The following TAFA2 variants were observed in gnomAD, a reference collection of about 807,000 sequenced individuals.
TAFA2 encodes the protein chemokine-like protein TAFA-2.
A neutral mutation model predicts 18.8 loss-of-function variants in TAFA2; 7 were observed. The observed-to-expected ratio is 0.37, with a 90% CI of 0.21 to 0.70. TAFA2 has a LOEUF of 0.70. TAFA2 is among the 30% of genes least tolerant of loss of function. The pLI, the probability that TAFA2 is intolerant of heterozygous loss-of-function variation, is 0.53. For synonymous variants in TAFA2, 60 were observed against 54.2 expected, an observed-to-expected ratio of 1.11 and a Z score of -0.47; for missense variants, 122 against 158.1, an observed-to-expected ratio of 0.77 and a Z score of 1.23.
intron 1 of TAFA2, among the ~76,000 whole-genome samples, chr12:62,091,822 G>C (rs191898876): frequency 6.6e-6 from 1 of 152,040 alleles, no homozygotes; most frequent in East Asian, 1.9e-4. Context: ...CTCTAGGAAA[G>C]ATATTTTGAA....
intron 1 of TAFA2, among the ~76,000 whole-genome samples, chr12:62,169,019 T>C (rs912453055): frequency 1.3e-5 from 2 of 151,868 alleles, no homozygotes; most frequent in Admixed American, 6.6e-5. Flanking sequence ...TTGGGGAAAT[T>C]TCAACACTGA....
At chr12:62,122,125 G>T (rs1206780280) in intron 1 of TAFA2, among the ~76,000 whole-genome samples, 1 of 152,166 alleles carries the variant, frequency 6.6e-6, no homozygotes, top group Admixed American at 6.5e-5. Flanking sequence ...TCGGTACTAG[G>T]TTTAATACCT....
At chr12:61,901,995 G>A (rs1876122207) in intron 1 of TAFA2, among the ~76,000 whole-genome samples, 1 of 150,054 alleles carries the variant, frequency 6.7e-6, no homozygotes, top group African/African-American at 2.5e-5. Context: ...ATAGGACTTA[G>A]CTAGCTATAC....
chr12:62,165,106 A>C (rs1354010666), intron 1 of TAFA2, among the ~76,000 whole-genome samples: 1 of 152,046 alleles, frequency 6.6e-6, no homozygotes, highest in Admixed American at 6.6e-5. Flanking sequence ...AAACATACAG[A>C]GGGCGAGACT....
At chr12:61,919,979 C>T (rs1876983799) in intron 1 of TAFA2, among the ~76,000 whole-genome samples, 2 of 152,094 alleles carry the variant, frequency 1.3e-5, no homozygotes, top group South Asian at 2.1e-4. Flanking sequence ...TAAAATTTCT[C>T]AGTCTCATTA....
intron 1 of TAFA2, among the ~76,000 whole-genome samples, chr12:62,124,204 G>A (rs1307989732): frequency 2.6e-5 from 4 of 151,722 alleles, no homozygotes; most frequent in Non-Finnish European, 4.4e-5. Flanking sequence ...AGCTTCAAGA[G>A]ATAAGCTCTG....
rs1879220228 is a variant in TAFA2 at position 61,970,763 on chromosome 12, C to T, written c.-1-103337G>A. 2.1e-5 allele frequency among the ~76,000 whole-genome samples: 3 copies of T among 144,184 alleles called. No homozygotes were observed. The Admixed American group carries it at 2.1e-4, about 10-fold the overall frequency. 94.6% of individuals were successfully genotyped at this position (144,184 alleles called of 152,430 possible). On this transcript the variant is annotated intron_variant, in intron 1 of 4. Coordinates refer to ENST00000416284, the MANE Select transcript of TAFA2 (RefSeq NM_178539.5). ...AGAGTCACCAGTTTAAAAGCTAGTG[C>T]AAGAATCATCAATGGACACCTAGAC...
At chr12:61,812,216 C>T (rs1871900406) in intron 2 of TAFA2, among the ~76,000 whole-genome samples, 1 of 151,440 alleles carries the variant, frequency 6.6e-6, no homozygotes, top group African/African-American at 2.5e-5. Flanking sequence ...CTTAAACTCC[C>T]TCTGAAGGAA....
chr12:61,931,992 C>A (rs140835670), intron 1 of TAFA2, among the ~76,000 whole-genome samples: 6 of 152,228 alleles, frequency 3.9e-5, no homozygotes, highest in South Asian at 2.1e-4. Context: ...TCCCCCTTTG[C>A]CTCATACCTT....
At chr12:61,867,568 T>A in intron 1 of TAFA2, 142 bp from the exon 2 acceptor site, 1 of 592,090 alleles carries the variant, frequency 1.7e-6, no homozygotes, top group Non-Finnish European at 3.0e-6. Flanking sequence ...AAAATGCTGT[T>A]CACTGTATAC....
At chr12:62,168,638 C>T (rs2062455858) in intron 1 of TAFA2, among the ~76,000 whole-genome samples, 1 of 152,018 alleles carries the variant, frequency 6.6e-6, no homozygotes, top group Admixed American at 6.6e-5. Flanking sequence ...CGTTTGAGAC[C>T]AGTCTGGGCA....
At chr12:61,820,021 C>T (rs1325180603) in intron 2 of TAFA2, among the ~76,000 whole-genome samples, 1 of 152,000 alleles carries the variant, frequency 6.6e-6, no homozygotes, top group African/African-American at 2.4e-5. Flanking sequence ...TGAAAGGAGC[C>T]ACTCTACCTT....
At chr12:62,244,192 T>C (rs1222094899) in intron 1 of TAFA2, among the ~76,000 whole-genome samples, 1 of 150,618 alleles carries the variant, frequency 6.6e-6, no homozygotes, top group Non-Finnish European at 1.5e-5. Flanking sequence ...ATCCATAGTC[T>C]ATCATCTGAA....
intron 4 of TAFA2, among the ~76,000 whole-genome samples, chr12:61,733,969 T>G (rs1333172470): frequency 6.7e-6 from 1 of 148,732 alleles, no homozygotes; most frequent in Non-Finnish European, 1.5e-5. Context: ...TTTGTAGTTC[T>G]CCTTGAAGAG....
At chr12:62,259,396 T>G (rs534975863), upstream of TAFA2, 1 of 152,456 alleles carries the variant, frequency 6.6e-6, no homozygotes, top group Admixed American at 6.5e-5. Flanking sequence ...AGTTTACATT[T>G]TAGTTCAGGC....
chr12:62,160,007 T>C lies in TAFA2; in HGVS notation c.-2+31252A>G, dbSNP rs201129369. On this transcript the variant is annotated intron_variant, in intron 1 of 4. Transcript: ENST00000416284. ...TGTATTTTAGCTTCTCCTCTCACTC[T>C]TTACCCATACTCAAGTCATTCAGCT... is the stretch of plus-strand genomic sequence containing the variant. 6.7e-5 allele frequency among the ~76,000 whole-genome samples: 10 copies of C among 148,788 alleles called. No homozygotes were observed. The East Asian group carries it at 2.2e-3, about 33-fold the overall frequency.
chr12:62,141,960 T>C (rs1194371368), intron 1 of TAFA2, among the ~76,000 whole-genome samples: 1 of 152,210 alleles, frequency 6.6e-6, no homozygotes, highest in Non-Finnish European at 1.5e-5. Context: ...TAGGTTATCA[T>C]TGTTTCTGTA....
intron 2 of TAFA2, among the ~76,000 whole-genome samples, chr12:61,799,933 G>A (rs1871340313): frequency 6.6e-6 from 1 of 152,190 alleles, no homozygotes; most frequent in Admixed American, 6.5e-5. Context: ...CTGGTGTTCT[G>A]ATCAAGTTCT....
chr12:61,744,071 T>C (rs1227039139), intron 4 of TAFA2, among the ~76,000 whole-genome samples: 1 of 152,088 alleles, frequency 6.6e-6, no homozygotes, highest in Non-Finnish European at 1.5e-5. Context: ...TAAACAAATA[T>C]CAAGGTCTTA....
Sources: allele counts gnomAD v4.1 joint callset (sites outside exome capture counted in the v4.1 genomes callset), GRCh38; gene constraint gnomAD v4.1.1; transcripts MANE v1.5; gene names NCBI Gene and HGNC (gene_info 2026-07-23, HGNC 2026-07-21).